PARP9: variants seen among roughly 807,000 people sequenced by gnomAD.
PARP9 encodes protein mono-ADP-ribosyltransferase PARP9.
Under a neutral mutation model 68.8 loss-of-function variants are expected in PARP9, and 48 were observed. That is an observed-to-expected ratio of 0.70 (90% CI 0.55 to 0.89). The LOEUF (loss-of-function observed/expected upper bound fraction) is 0.89. PARP9 is among the 40% of genes least tolerant of loss of function. PARP9 has a pLI of 0.00. For synonymous variants in PARP9, 309 were observed against 333.8 expected, an observed-to-expected ratio of 0.93 and a Z score of 0.81; for missense variants, 806 against 969.3, an observed-to-expected ratio of 0.83 and a Z score of 2.24.
chr3:122,561,638 C>T (rs2080212629), intron 1 of PARP9, among the ~76,000 whole-genome samples: 1 of 152,194 alleles, frequency 6.6e-6, no homozygotes, highest in African/African-American at 2.4e-5. Context: ...CTTCACTTTG[C>T]CTTTACAGGC....
intron 8 of PARP9, among the ~76,000 whole-genome samples, chr3:122,538,095 T>C (rs924502535): frequency 6.6e-6 from 1 of 152,154 alleles, no homozygotes; most frequent in Non-Finnish European, 1.5e-5. Context: ...GAGAGCCAAG[T>C]TGTAAATCTG....
intron 1 of PARP9, among the ~76,000 whole-genome samples, chr3:122,561,129 T>C (rs1304652592): frequency 1.3e-5 from 2 of 152,224 alleles, no homozygotes; most frequent in Non-Finnish European, 1.5e-5. Flanking sequence ...CAGCCTACTA[T>C]AACCTGGCTC....
chr3:122,540,686 C>A lies in PARP9; in HGVS notation c.1551G>T (p.Leu517=). 1.2e-6 allele frequency: 2 copies of A among 1,614,136 alleles called. No homozygotes were observed. The highest frequency in any genetic ancestry group is 1.7e-6 in the Non-Finnish European group (2 of 1,180,026). ...NHHIIENNHI[L]YLGRKEHDIL... is the part of the protein sequence containing the mutation. ...TGTCATGTTCCTTTCTCCCAAGGTA[C>A]AGAATATGATTATTCTCAATGATGT... The change falls in exon 8 of 11, where the codon CTG becomes CTT. Residue 517 remains leucine (L), a synonymous_variant. Transcript: ENST00000682323.
At chr3:122,539,756 G>A (rs1161024611) in intron 8 of PARP9, among the ~76,000 whole-genome samples, 1 of 152,002 alleles carries the variant, frequency 6.6e-6, no homozygotes, top group Non-Finnish European at 1.5e-5. Flanking sequence ...TAGAGACAGA[G>A]TTTCTCCATG....
rs971620696 is a variant in PARP9 at position 122,555,318 on chromosome 3, G to A, written c.853C>T (p.Gln285Ter). Residue 285 changes from glutamine (Q) to a stop codon, truncating the protein, a stop_gained, in exon 4 of 11, where the codon CAG (glutamine) becomes TAG (stop). Coordinates refer to ENST00000682323, the MANE Select transcript of PARP9 (RefSeq NM_001146105.2). LOFTEE classifies it high-confidence loss of function. ...NAMVVNNLTL[Q>*]IVQGHIEWQT... ...CATTCAATGTGGCCCTGGACAATCT[G>A]GAGGGTCAGGTTGTTCACGACCATT... is the stretch of plus-strand genomic sequence containing the variant. The A allele has an allele frequency of 1.2e-6, 2 of 1,613,474 alleles. No homozygotes were observed. The highest frequency in any genetic ancestry group is 1.7e-6 in the Non-Finnish European group (2 of 1,179,634).
chr3:122,549,217 T>C (rs2078999116), intron 6 of PARP9, among the ~76,000 whole-genome samples: 1 of 152,132 alleles, frequency 6.6e-6, no homozygotes, highest in African/African-American at 2.4e-5. Context: ...GATTTCATCA[T>C]GTTAGCTACA....
chr3:122,540,492 C>G lies in PARP9; in HGVS notation c.1745G>C (p.Arg582Pro). ...VQEEMARKKE[R>P]GLWRSLGQWT... ...CTCACCTAACGAGCGCCAAAGGCCT[C>G]GCTCCTTTTTCCTTGCCATTTCCTC... is the stretch of plus-strand genomic sequence containing the variant. Residue 582 changes from arginine to proline, a missense_variant, in exon 8 of 11, where the codon CGA becomes CCA. This residue lies in a region of PARP9 where 680 missense variants were observed against 858.8 expected (regional missense o/e 0.79). Transcript: ENST00000682323. 1 of 1,613,518 alleles carries G rather than the reference C, an allele frequency of 6.2e-7. No individual in the cohort carries two copies. The highest frequency in any genetic ancestry group is 8.5e-7 in the Non-Finnish European group (1 of 1,179,658).
At chr3:122,533,956 TG>T in intron 10 of PARP9, 1 of 985,454 alleles carries the variant, frequency 1.0e-6, no homozygotes, top group Non-Finnish European at 1.2e-6. Context: ...GTAGCAAGAT[TG>T]GTGTCTCCTG....
intron 10 of PARP9, chr3:122,533,775 G>T: frequency 1.0e-6 from 1 of 985,420 alleles, no homozygotes; most frequent in Non-Finnish European, 1.2e-6. Flanking sequence ...TTCAGAACTG[G>T]TTGGAATGCA....
intron 10 of PARP9, among the ~76,000 whole-genome samples, chr3:122,530,176 CAAAA>C (rs11295677): frequency 1.9e-4 from 16 of 82,264 alleles, no homozygotes; most frequent in Non-Finnish European, 2.6e-4. Context: ...GGCCCTGTCT[CAAAA>C]AAAAAAAAAA....
At chr3:122,537,166 G>A in intron 8 of PARP9, 93 bp from the exon 9 acceptor site, 2 of 1,334,728 alleles carry the variant, frequency 1.5e-6, no homozygotes, top group Non-Finnish European at 2.0e-6. Context: ...TAGAGGAAGG[G>A]ATTAGCCAGT....
chr3:122,542,099 A>G (rs1221806475), intron 7 of PARP9, among the ~76,000 whole-genome samples: 1 of 152,144 alleles, frequency 6.6e-6, no homozygotes, highest in African/African-American at 2.4e-5. Context: ...CTAGGAGATT[A>G]TATTATTTTT....
chr3:122,534,469 TTG>T (rs1419038573), intron 10 of PARP9: 10 of 979,170 alleles, frequency 1.0e-5, no homozygotes, highest in Non-Finnish European at 1.2e-5. Context: ...CCAGTGGCTG[TTG>T]TGTGTTTTGC....
chr3:122,555,170 T>C (rs2079538465), intron 4 of PARP9, 116 bp downstream of exon 4: 2 of 1,077,386 alleles, frequency 1.9e-6, no homozygotes, highest in Non-Finnish European at 2.7e-6. Flanking sequence ...ATCTGGCTCA[T>C]ATTCTTAATC....
intron 6 of PARP9, chr3:122,546,146 C>A (rs2107648705): frequency 6.6e-6 from 1 of 152,374 alleles, no homozygotes; most frequent in East Asian, 1.9e-4. Flanking sequence ...AAAGTAGATA[C>A]AATTGGCAAT....
chr3:122,558,177 C>T, intron 3 of PARP9: 2 of 962,550 alleles, frequency 2.1e-6, no homozygotes, highest in South Asian at 2.1e-5. Flanking sequence ...CCCATCTGGT[C>T]AATTCAGCCA....
At chr3:122,530,585 C>A (rs891687823) in intron 10 of PARP9, among the ~76,000 whole-genome samples, 1 of 152,182 alleles carries the variant, frequency 6.6e-6, no homozygotes, top group Non-Finnish European at 1.5e-5. Flanking sequence ...GAAGTAATCC[C>A]TGTTCACTGC....
intron 10 of PARP9, among the ~76,000 whole-genome samples, chr3:122,530,337 C>G (rs1181814224): frequency 6.6e-6 from 1 of 152,138 alleles, no homozygotes; most frequent in Non-Finnish European, 1.5e-5. Context: ...TGTGTACTCT[C>G]CATGGGTTGG....
chr3:122,544,411 T>G (rs1188340293), intron 7 of PARP9, among the ~76,000 whole-genome samples: 2 of 152,170 alleles, frequency 1.3e-5, no homozygotes, highest in Non-Finnish European at 2.9e-5. Flanking sequence ...TTATCATCAT[T>G]ATACAGATAA....
Sources: allele counts gnomAD v4.1 joint callset (sites outside exome capture counted in the v4.1 genomes callset), GRCh38; gene constraint gnomAD v4.1.1; regional missense constraint gnomAD v4.1.1; transcripts MANE v1.5; gene names NCBI Gene and HGNC (gene_info 2026-07-23, HGNC 2026-07-21).